CBFA2T2: variants seen among roughly 807,000 people sequenced by gnomAD.
The protein encoded by CBFA2T2 is CBFA2/RUNX1 partner transcriptional co-repressor 2.
Under a neutral mutation model 62.2 loss-of-function variants are expected in CBFA2T2, and 11 were observed. The observed-to-expected ratio is 0.18, with a 90% CI of 0.11 to 0.29. The LOEUF is 0.29. Among genes scored for constraint, CBFA2T2 ranks in the 10% least tolerant of loss-of-function variants. The probability of loss-of-function intolerance (pLI) is 1.00; values close to 1 mark genes in which losing one functional copy is unlikely to be tolerated. For missense variants in CBFA2T2, 592 were observed against 774.1 expected, an observed-to-expected ratio of 0.76 and a Z score of 2.79; for synonymous variants, 295 against 287.5, an observed-to-expected ratio of 1.03 and a Z score of -0.27.
intron 1 of CBFA2T2, among the ~76,000 whole-genome samples, chr20:33,546,713 T>C (rs1022168252): frequency 5.3e-5 from 8 of 152,050 alleles, no homozygotes; most frequent in Admixed American, 5.2e-4. Context: ...CAGGCTGGTC[T>C]TGAGCTCCTG....
intron 1 of CBFA2T2, among the ~76,000 whole-genome samples, chr20:33,568,417 A>G (rs970017584): frequency 2.0e-5 from 3 of 152,122 alleles, no homozygotes; most frequent in African/African-American, 7.2e-5. Flanking sequence ...TGCTGTAGAG[A>G]ATGCGGCAGT....
chr20:33,597,621 A>G (rs1346986349), intron 1 of CBFA2T2, among the ~76,000 whole-genome samples: 1 of 152,168 alleles, frequency 6.6e-6, no homozygotes, highest in Non-Finnish European at 1.5e-5. Flanking sequence ...CCTTATGAGA[A>G]TCTAATGCCT....
intron 1 of CBFA2T2, among the ~76,000 whole-genome samples, chr20:33,554,270 T>TC (rs1190928964): frequency 1.1e-4 from 16 of 151,022 alleles, no homozygotes; most frequent in African/African-American, 3.6e-4. Flanking sequence ...TTTTTTTTTT[T>TC]TTCAGACAGT....
rs1316591399 is a variant in CBFA2T2 at position 33,645,020 on chromosome 20, GGCAGGCA to G, written c.*381_*387del. On this transcript the variant is annotated 3_prime_UTR_variant, in exon 11 of 11. Coordinates refer to ENST00000342704, the MANE Select transcript of CBFA2T2 (RefSeq NM_001032999.3). ...CTCAGCCAGGCTGGAGGCGGCAGGC[GGCAGGCA>G]GCAGGCTGTGGAGGAGGCCCCTCGG... 1.0e-5 allele frequency: 2 copies of G among 199,960 alleles called. No individual in the cohort carries two copies. The highest frequency in any genetic ancestry group is 2.3e-5 in the African/African-American group (1 of 42,970). 12.4% of individuals were successfully genotyped at this position (199,960 alleles called of 1,614,324 possible).
intron 6 of CBFA2T2, among the ~76,000 whole-genome samples, chr20:33,627,138 C>T (rs2016263716): frequency 6.6e-6 from 1 of 152,138 alleles, no homozygotes; most frequent in Non-Finnish European, 1.5e-5. Context: ...TGGTTCATGC[C>T]TGTAATCCCA....
chr20:33,541,865 T>C (rs979593190), intron 1 of CBFA2T2, among the ~76,000 whole-genome samples: 2 of 151,854 alleles, frequency 1.3e-5, no homozygotes, highest in Admixed American at 1.3e-4. Context: ...GTCTTAGTGC[T>C]ACAGGTTTTT....
At chr20:33,529,279 C>A (rs1187330777) in intron 1 of CBFA2T2, among the ~76,000 whole-genome samples, 2 of 151,980 alleles carry the variant, frequency 1.3e-5, no homozygotes, top group Admixed American at 1.3e-4. Context: ...CCCACCTCGG[C>A]CTCCCAAAGT....
intron 1 of CBFA2T2, among the ~76,000 whole-genome samples, chr20:33,582,670 G>A (rs955791584): frequency 1.1e-4 from 16 of 151,986 alleles, no homozygotes; most frequent in South Asian, 6.2e-4. Context: ...TGCCGGGTGC[G>A]GTGACTCACA....
chr20:33,526,769 T>C (rs1366875265), intron 1 of CBFA2T2, among the ~76,000 whole-genome samples: 1 of 152,192 alleles, frequency 6.6e-6, no homozygotes, highest in Admixed American at 6.5e-5. Flanking sequence ...AAGGGAAATA[T>C]ATATCTTAAG....
intron 1 of CBFA2T2, among the ~76,000 whole-genome samples, chr20:33,503,867 G>A (rs2011349877): frequency 6.7e-6 from 1 of 150,018 alleles, no homozygotes; most frequent in Non-Finnish European, 1.5e-5. Context: ...TTTTTTGTCA[G>A]TGGGTAGAGA....
intron 1 of CBFA2T2, among the ~76,000 whole-genome samples, chr20:33,594,652 A>G (rs1568840868): frequency 6.6e-6 from 1 of 152,176 alleles, no homozygotes; most frequent in African/African-American, 2.4e-5. Flanking sequence ...AGAAATTGAT[A>G]GCGTTTTTCC....
At chr20:33,553,402 G>A (rs1185201142) in intron 1 of CBFA2T2, among the ~76,000 whole-genome samples, 1 of 151,982 alleles carries the variant, frequency 6.6e-6, no homozygotes, top group African/African-American at 2.4e-5. Context: ...AATTTTTTGT[G>A]TGTATTTTTA....
At chr20:33,544,980 T>TAGAACAGAAC (rs1377815951) in intron 1 of CBFA2T2, among the ~76,000 whole-genome samples, 22 of 131,980 alleles carry the variant, frequency 1.7e-4, no homozygotes, top group African/African-American at 8.1e-4. Flanking sequence ...TAGAATAGAA[T>TAGAACAGAAC]AGAATAGAAT....
chr20:33,642,643 C>T (rs1324938593), intron 10 of CBFA2T2, among the ~76,000 whole-genome samples: 2 of 151,606 alleles, frequency 1.3e-5, no homozygotes, highest in East Asian at 1.9e-4. Flanking sequence ...ATGACGATGG[C>T]AAGATGAGGG....
intron 1 of CBFA2T2, among the ~76,000 whole-genome samples, chr20:33,585,837 C>T (rs2014342464): frequency 6.6e-6 from 1 of 152,168 alleles, no homozygotes; most frequent in South Asian, 2.1e-4. Context: ...AATTCACCAT[C>T]CCATTTTGTT....
intron 1 of CBFA2T2, among the ~76,000 whole-genome samples, chr20:33,497,547 CT>C (rs756491939): frequency 0.063 from 7,169 of 114,584 alleles, 376 homozygotes; most frequent in African/African-American, 0.21. Context: ...AGCTTGTATA[CT>C]TTTTTTTTTT....
intron 4 of CBFA2T2, among the ~76,000 whole-genome samples, chr20:33,622,894 C>A (rs1166902071): frequency 6.6e-6 from 1 of 152,206 alleles, no homozygotes; most frequent in African/African-American, 2.4e-5. Context: ...CAATCTCTTC[C>A]TTAAGCATAT....
intron 1 of CBFA2T2, among the ~76,000 whole-genome samples, chr20:33,583,032 A>G (rs190049375): frequency 1.3e-5 from 2 of 151,926 alleles, no homozygotes; most frequent in African/African-American, 4.8e-5. Flanking sequence ...ATACATGTGC[A>G]TACTCTTTCC....
At chr20:33,564,367 A>T (rs534989175) in intron 1 of CBFA2T2, among the ~76,000 whole-genome samples, 2 of 149,698 alleles carry the variant, frequency 1.3e-5, no homozygotes, top group Non-Finnish European at 3.0e-5. Flanking sequence ...GGTTCAAGCT[A>T]TTCTGCCTCA....
Sources: allele counts gnomAD v4.1 joint callset (sites outside exome capture counted in the v4.1 genomes callset), GRCh38; gene constraint gnomAD v4.1.1; transcripts MANE v1.5; gene names NCBI Gene and HGNC (gene_info 2026-07-23, HGNC 2026-07-21).